The following CTBP2 variants were observed in gnomAD, a reference collection of about 807,000 sequenced individuals.
The protein encoded by CTBP2 is C-terminal binding protein 2.
Under a neutral mutation model 80.3 loss-of-function variants are expected in CTBP2, and 30 were observed. The ratio of observed to expected loss-of-function variants is 0.37; its 90% confidence interval spans 0.28 to 0.51. The LOEUF is 0.51. CTBP2 is among the 20% of genes least tolerant of loss of function. The probability of loss-of-function intolerance (pLI) is 0.93; values close to 1 mark genes in which losing one functional copy is unlikely to be tolerated. For missense variants in CTBP2, 1,212 were observed against 1,375.3 expected, an observed-to-expected ratio of 0.88 and a Z score of 1.88; for synonymous variants, 594 against 587.4, an observed-to-expected ratio of 1.01 and a Z score of -0.16.
rs1211342329 is a variant in CTBP2, at chr10:124,993,346, A to G, written c.2532-17T>C. 1 of 1,603,412 alleles carries G rather than the reference A, an allele frequency of 6.2e-7. No homozygotes were observed. The highest frequency in any genetic ancestry group is 2.2e-5 in the East Asian group (1 of 44,604). On this transcript the variant is annotated splice_polypyrimidine_tract_variant and intron_variant, in intron 6 of 8. Transcript: ENST00000309035. ...TGAGCAAAGCTAGAAAAATGTAGAAAAAACAGAGTAAGCGGGAAATGTCGC... is the reference window on the plus strand; with the variant it reads ...TGAGCAAAGCTAGAAAAATGTAGAAGAAACAGAGTAAGCGGGAAATGTCGC...
chr10:124,995,533 G>A (rs1457939511), intron 4 of CTBP2, among the ~76,000 whole-genome samples: 1 of 152,244 alleles, frequency 6.6e-6, no homozygotes, highest in Non-Finnish European at 1.5e-5. Context: ...GGCAGGAGAA[G>A]GACAAAGATG....
chr10:125,027,124 G>A lies in CTBP2; in HGVS notation c.636C>T (p.Ser212=), dbSNP rs116403181. The A allele has an allele frequency of 1.4e-3, 2,174 of 1,604,978 alleles. 33 individuals carry two copies. In the African/African-American group the frequency reaches 0.026, roughly 19 times the overall value. Residue 212 remains serine, a synonymous_variant, in exon 1 of 9, where the codon AGC becomes AGT. Transcript: ENST00000309035. ...GGTCAATGGGTCTTTCGCTGATGTC[G>A]CTGAAGACCTGGCTGAGGGGGTAGG...
intron 1 of CTBP2, among the ~76,000 whole-genome samples, chr10:125,019,613 C>A (rs1320037223): frequency 1.3e-5 from 2 of 152,190 alleles, no homozygotes; most frequent in Non-Finnish European, 2.9e-5. Flanking sequence ...AACACTGGGA[C>A]AACTGGCTGA....
At chr10:125,144,930 G>A (rs903301116) in intron 1 of CTBP2, among the ~76,000 whole-genome samples, 1 of 152,194 alleles carries the variant, frequency 6.6e-6, no homozygotes, top group South Asian at 2.1e-4. Flanking sequence ...AATGTCAAGT[G>A]CATCTGAATA....
chr10:125,003,359 C>T lies in CTBP2; in HGVS notation c.1812G>A (p.Ser604=), dbSNP rs3198931. Residue 604 remains serine (S), a synonymous_variant, in exon 2 of 9, where the codon TCG becomes TCA. Transcript: ENST00000309035. ...CCACCTTCTCGTGGATTTCCTGCGT[C>T]GACTGCGCGTCACAGAAGGCCACAG... 74 of 1,610,392 alleles carry T rather than the reference C, an allele frequency of 4.6e-5. No individual in the cohort carries two copies. The East Asian group carries it at 1.0e-3, about 22-fold the overall frequency.
chr10:125,066,341 C>T lies in CTBP2; in HGVS notation c.-101-27186G>A, dbSNP rs377329810. On this transcript the variant is annotated intron_variant, in intron 2 of 10. Coordinates refer to the CTBP2 transcript ENST00000337195. This position sits in a 1 kb window ranked among gnomAD's most constrained non-coding sequence, Gnocchi z 4.1. The stretch of plus-strand genomic sequence containing the variant: ...ATGGAGCTACCAACATCAGGACCAG[C>T]GAGAAATCGGGAAAACATCAAGTCA... Among the ~76,000 whole-genome samples, 2 of 152,088 alleles carry T rather than the reference C, an allele frequency of 1.3e-5. No individual in the cohort carries two copies. Among genetic ancestry groups the T allele is most frequent in the South Asian group, 2.1e-4 (1 of 4,824 alleles).
intron 1 of CTBP2, among the ~76,000 whole-genome samples, chr10:125,116,170 G>A (rs906389006): frequency 5.9e-5 from 9 of 152,018 alleles, no homozygotes; most frequent in African/African-American, 2.2e-4. Context: ...CTCAGCCCCC[G>A]CCCCACTGTT....
At chr10:125,036,666 GGGGTGT>G (rs745805578) in intron 3 of CTBP2, among the ~76,000 whole-genome samples, 5,327 of 100,030 alleles carry the variant, frequency 0.053, 67 homozygotes, top group Middle Eastern at 0.072. Flanking sequence ...AAAGCTAGAG[GGGGTGT>G]GTGTGTGTGT....
Position 125,153,146 on chromosome 10 carries a change from C to T in CTBP2, c.-206+7173G>A, listed in dbSNP as rs536566165. ...TCCGAGCAGAGTAAGGCCACATGACCGCACAGAGGACAATGTTGGGCTTCC... is the reference window on the plus strand; with the variant it reads ...TCCGAGCAGAGTAAGGCCACATGACTGCACAGAGGACAATGTTGGGCTTCC... On this transcript the variant is annotated intron_variant, in intron 1 of 10. Transcript: ENST00000337195. 2.6e-5 allele frequency among the ~76,000 whole-genome samples: 4 copies of T among 152,364 alleles called. No homozygotes were observed. In the South Asian group the frequency reaches 6.2e-4, roughly 24 times the overall value.
chr10:125,091,956 A>T (rs930198808), intron 2 of CTBP2, among the ~76,000 whole-genome samples: 1 of 152,184 alleles, frequency 6.6e-6, no homozygotes, highest in African/African-American at 2.4e-5. Flanking sequence ...TTGATATTGA[A>T]GCTTTTCATT....
intron 1 of CTBP2, among the ~76,000 whole-genome samples, chr10:125,150,662 A>T (rs2681920): frequency 6.6e-6 from 1 of 151,302 alleles, no homozygotes; most frequent in African/African-American, 2.4e-5. Context: ...CTCTGCGAGG[A>T]CAGCGCTGTG....
In CTBP2 at chr10:125,026,311, T is replaced by C; in HGVS notation, c.1449A>G (p.Ala483=). 1 of 1,613,886 alleles carries C rather than the reference T, an allele frequency of 6.2e-7. No homozygotes were observed. The highest frequency in any genetic ancestry group is 8.5e-7 in the Non-Finnish European group (1 of 1,179,952). The change falls in exon 1 of 9, where the codon GCA becomes GCG. Residue 483 remains alanine (A), a synonymous_variant. Transcript: ENST00000309035. ...TTAGCAGCTCCATGGGCACCGTGTA[T>C]GCCGTGGAGTAGGCTGTTCTGGGGC...
intron 2 of CTBP2, among the ~76,000 whole-genome samples, chr10:125,051,554 T>C (rs1024991411): frequency 2.0e-5 from 3 of 151,880 alleles, no homozygotes; most frequent in African/African-American, 7.3e-5. Context: ...GCAGGAGAAT[T>C]GCTTGAACCC....
At chr10:125,103,251 C>T (rs1010873427) in intron 2 of CTBP2, among the ~76,000 whole-genome samples, 4 of 152,174 alleles carry the variant, frequency 2.6e-5, no homozygotes, top group Non-Finnish European at 4.4e-5. Flanking sequence ...CCACTCCACA[C>T]CCCCCTGGCC....
intron 1 of CTBP2, among the ~76,000 whole-genome samples, chr10:125,014,840 C>A (rs908395172): frequency 6.6e-6 from 1 of 152,256 alleles, no homozygotes; most frequent in South Asian, 2.1e-4. Flanking sequence ...GGTTGAGCCA[C>A]CAGCAGCCGC....
intron 2 of CTBP2, among the ~76,000 whole-genome samples, chr10:125,064,965 C>T (rs1356153508): frequency 6.6e-6 from 1 of 152,196 alleles, no homozygotes; most frequent in East Asian, 1.9e-4. Context: ...TACTGCTTAA[C>T]GAGCAGAGAA....
intron 3 of CTBP2, chr10:125,001,194 A>G (rs1589978006): frequency 6.6e-6 from 1 of 151,614 alleles, no homozygotes; most frequent in African/African-American, 2.4e-5. Context: ...ACAGGCAAGG[A>G]CCTCCCCTCT....
chr10:125,131,636 A>T (rs1264869371), intron 1 of CTBP2, among the ~76,000 whole-genome samples: 1 of 152,222 alleles, frequency 6.6e-6, no homozygotes, highest in Non-Finnish European at 1.5e-5. Flanking sequence ...TTAACAAACA[A>T]GCCTAAAATT....
rs1957493889 is a variant in CTBP2, at chr10:125,026,003, T to C, written c.1678+79A>G. On this transcript the variant is annotated intron_variant, in intron 1 of 8. Coordinates refer to ENST00000309035, the MANE Select transcript of CTBP2 (RefSeq NM_022802.3). The stretch of plus-strand genomic sequence containing the variant: ...CCTGGTGAGTGAGGACTTGCCATCC[T>C]ATGTTCAAACTTCTACAACCCCGCA... The C allele has an allele frequency of 2.8e-5, 42 of 1,503,224 alleles. No individual in the cohort carries two copies. In the South Asian group the frequency reaches 4.5e-4, roughly 16 times the overall value. 93.1% of individuals were successfully genotyped at this position (1,503,224 alleles called of 1,614,324 possible). A position where few individuals can be genotyped will look rare whatever the true frequency, so the allele number is the denominator to read the frequency against.
Sources: allele counts gnomAD v4.1 joint callset (sites outside exome capture counted in the v4.1 genomes callset), GRCh38; gene constraint gnomAD v4.1.1; non-coding constraint Gnocchi (gnomAD v3.1); transcripts MANE v1.5; gene names NCBI Gene and HGNC (gene_info 2026-07-23, HGNC 2026-07-21).